Variants in GABBR2 observed in about 807,000 individuals in gnomAD.
GABBR2 encodes the protein G-protein coupled receptor 51.
A neutral mutation model predicts 105.6 loss-of-function variants in GABBR2; 23 were observed. The ratio of observed to expected loss-of-function variants is 0.22; its 90% CI spans 0.16 to 0.31. The LOEUF is 0.31. GABBR2 is among the 10% of genes least tolerant of loss of function. The pLI is 1.00. For missense variants in GABBR2, 734 were observed against 1,245.5 expected (o/e 0.59, Z 6.18); for synonymous variants, 478 against 499.7 (o/e 0.96, Z 0.58).
intron 1 of GABBR2, among the ~76,000 whole-genome samples, chr9:98,644,984 G>A (rs866887445): frequency 2.0e-5 from 3 of 152,150 alleles, no homozygotes; most frequent in Admixed American, 6.5e-5. Flanking sequence ...GTTACCCCAA[G>A]GTATAAAACC....
chr9:98,577,860 A>G (rs1828942529), intron 2 of GABBR2, 75 bp downstream of exon 2: 2 of 1,424,198 alleles, frequency 1.4e-6, no homozygotes, highest in South Asian at 1.3e-5. Flanking sequence ...CACATTGTAC[A>G]AGGAATAATT....
intron 2 of GABBR2, among the ~76,000 whole-genome samples, chr9:98,572,714 C>T (rs565114020): frequency 1.3e-5 from 2 of 152,244 alleles, no homozygotes; most frequent in South Asian, 2.1e-4. Flanking sequence ...AGGCTACTCC[C>T]AGATCAAGAT....
chr9:98,421,463 G>A (rs183939981), intron 7 of GABBR2, among the ~76,000 whole-genome samples: 50 of 152,146 alleles, frequency 3.3e-4, no homozygotes, highest in Middle Eastern at 6.8e-3. Flanking sequence ...TTTACTTTTT[G>A]TTTCAATTTC....
intron 1 of GABBR2, among the ~76,000 whole-genome samples, chr9:98,640,146 A>ATATATATAT (rs869267142): frequency 2.8e-5 from 4 of 143,600 alleles, no homozygotes; most frequent in Non-Finnish European, 4.8e-5. Context: ...ATATATATAT[A>ATATATATAT]AACAATCTGA....
intron 1 of GABBR2, among the ~76,000 whole-genome samples, chr9:98,678,440 A>C (rs1830501663): frequency 6.6e-6 from 1 of 152,198 alleles, no homozygotes; most frequent in Admixed American, 6.5e-5. Context: ...CTTCGCTGGA[A>C]AGCCTGCCCC....
intron 13 of GABBR2, among the ~76,000 whole-genome samples, chr9:98,319,940 C>G (rs1351760993): frequency 1.3e-5 from 2 of 152,028 alleles, no homozygotes; most frequent in African/African-American, 2.4e-5. Flanking sequence ...GTCTAAAACA[C>G]CAAAAGCAAT....
At chr9:98,376,682 T>C (rs1253862051) in intron 11 of GABBR2, among the ~76,000 whole-genome samples, 1 of 152,150 alleles carries the variant, frequency 6.6e-6, no homozygotes, top group African/African-American at 2.4e-5. Context: ...GAGCAGCCTC[T>C]AGAAACAGCC....
intron 1 of GABBR2, among the ~76,000 whole-genome samples, chr9:98,695,228 T>C (rs991297356): frequency 7.2e-5 from 11 of 152,220 alleles, no homozygotes; most frequent in African/African-American, 2.7e-4. Flanking sequence ...CTCACAAATA[T>C]TCTGGAGTAC....
chr9:98,290,566 G>A lies in GABBR2; in HGVS notation c.*18C>T. 7.4e-7 allele frequency: 1 copy of A among 1,359,964 alleles called. No individual in the cohort carries two copies. The highest frequency in any genetic ancestry group is 3.4e-5 in the Admixed American group (1 of 29,560). The allele number at this position is 1,359,964 out of a possible 1,614,324, so 84.2% of individuals were successfully genotyped here. A position where few individuals can be genotyped will look rare whatever the true frequency, so the allele number is the denominator to read the frequency against. Reference sequence around the variant, plus strand: ...TGGTTCTGTCACGGGGGAGGCCCCGGGCCCAGGCCTCCCACCCTTACAGGC... The same window carrying A: ...TGGTTCTGTCACGGGGGAGGCCCCGAGCCCAGGCCTCCCACCCTTACAGGC... On this transcript the variant is annotated 3_prime_UTR_variant, in exon 19 of 19. Coordinates refer to ENST00000259455, the MANE Select transcript of GABBR2 (RefSeq NM_005458.8).
At chr9:98,563,719 T>A (rs979589694) in intron 2 of GABBR2, among the ~76,000 whole-genome samples, 1 of 152,228 alleles carries the variant, frequency 6.6e-6, no homozygotes. Context: ...CATTTATGAA[T>A]GTCTAGATCG....
intron 13 of GABBR2, among the ~76,000 whole-genome samples, chr9:98,330,864 C>T (rs145245024): frequency 1.0e-3 from 159 of 152,242 alleles, no homozygotes; most frequent in African/African-American, 3.4e-3. Flanking sequence ...TAGTTTTCAT[C>T]ACCCCCAAAA....
chr9:98,394,073 C>T, intron 9 of GABBR2, 102 bp downstream of exon 9: 1 of 810,386 alleles, frequency 1.2e-6, no homozygotes, highest in Non-Finnish European at 2.1e-6. Context: ...CCCTTGACCC[C>T]CTGAAGCCAA....
chr9:98,305,671 C>T (rs1187310918), intron 15 of GABBR2, among the ~76,000 whole-genome samples: 3 of 152,072 alleles, frequency 2.0e-5, no homozygotes, highest in Admixed American at 6.6e-5. Flanking sequence ...AAAAATTAGC[C>T]AGGCGTGGTG....
chr9:98,425,311 A>T (rs563258996), intron 7 of GABBR2, among the ~76,000 whole-genome samples: 1 of 152,184 alleles, frequency 6.6e-6, no homozygotes, highest in Non-Finnish European at 1.5e-5. Flanking sequence ...GACTGAAAGC[A>T]ACTAAATTCT....
At chr9:98,297,670 T>A (rs1283946121) in intron 17 of GABBR2, among the ~76,000 whole-genome samples, 1 of 151,490 alleles carries the variant, frequency 6.6e-6, no homozygotes, top group African/African-American at 2.4e-5. Context: ...TAAAATAATA[T>A]TATAACAAAT....
intron 7 of GABBR2, among the ~76,000 whole-genome samples, chr9:98,416,047 G>A (rs1832684868): frequency 6.6e-6 from 1 of 152,216 alleles, no homozygotes; most frequent in Middle Eastern, 3.4e-3. Context: ...CTGGCTTTTT[G>A]GGGAGAAGAA....
rs558822898 is a variant in GABBR2 at position 98,415,634 on chromosome 9, GTTAT to G, written c.1237-9497_1237-9494del. Reference sequence around the variant, plus strand: ...TAGCTTTGCTGAAACATTTGTGTGCGTTATTTAAGATTTTTTTCCCCTGGGGTTC... The same window carrying G: ...TAGCTTTGCTGAAACATTTGTGTGCGTTAAGATTTTTTTCCCCTGGGGTTC... On this transcript the variant is annotated intron_variant, in intron 7 of 18. Coordinates refer to ENST00000259455, the MANE Select transcript of GABBR2 (RefSeq NM_005458.8). Among the ~76,000 whole-genome samples the G allele has an allele frequency of 4.9e-4, 74 of 152,262 alleles. 2 individuals carry two copies. The South Asian group carries it at 0.014, about 28-fold the overall frequency.
intron 7 of GABBR2, among the ~76,000 whole-genome samples, chr9:98,443,936 G>A (rs1248895626): frequency 6.6e-6 from 1 of 152,172 alleles, no homozygotes; most frequent in African/African-American, 2.4e-5. Context: ...CTCCTACCTG[G>A]CCCTGGTCTG....
intron 13 of GABBR2, among the ~76,000 whole-genome samples, chr9:98,332,736 T>C (rs575884846): frequency 9.8e-5 from 15 of 152,354 alleles, no homozygotes; most frequent in African/African-American, 3.6e-4. Flanking sequence ...GCTTCCCGTC[T>C]GCTGTAAGAC....
Sources: gnomAD v4.1 joint callset for allele counts (sites outside exome capture counted in the v4.1 genomes callset) on GRCh38, gnomAD v4.1.1 for gene constraint, MANE v1.5 for transcripts, NCBI Gene and HGNC (gene_info 2026-07-23, HGNC 2026-07-21) for gene names.